Variants in PTPRT observed in about 807,000 individuals in gnomAD.
PTPRT encodes the protein protein tyrosine phosphatase receptor type T.
A neutral mutation model predicts 176.8 loss-of-function variants in PTPRT; 56 were observed. The observed-to-expected ratio is 0.32, with a 90% confidence interval of 0.26 to 0.40. PTPRT has a LOEUF of 0.40. Among genes scored for constraint, PTPRT ranks in the 10% least tolerant of loss-of-function variants. PTPRT has a pLI of 1.00. For synonymous variants in PTPRT, 783 were observed against 739.0 expected, an observed-to-expected ratio of 1.06 and a Z score of -0.96; for missense variants, 1,540 against 1,908.2, an observed-to-expected ratio of 0.81 and a Z score of 3.60.
intron 16 of PTPRT, among the ~76,000 whole-genome samples, chr20:42,197,376 C>CA (rs3086756): frequency 0.034 from 1,121 of 33,246 alleles, 135 homozygotes; most frequent in African/African-American, 0.063. Context: ...GAGACTCCAT[C>CA]AAAAAAAAAA....
intron 15 of PTPRT, among the ~76,000 whole-genome samples, chr20:42,221,052 G>A (rs1421138765): frequency 6.6e-6 from 1 of 152,188 alleles, no homozygotes; most frequent in Non-Finnish European, 1.5e-5. Context: ...CAGGCTATGA[G>A]TACAGTGGTG....
intron 11 of PTPRT, 108 bp downstream of exon 11, chr20:42,350,520 T>C (rs2071854): frequency 0.66 from 627,130 of 956,884 alleles, 208,025 homozygotes; most frequent in East Asian, 0.9. Context: ...GGAAGCTTTG[T>C]TCCTGGCCAG....
chr20:42,432,438 AC>A (rs772569035), intron 9 of PTPRT, among the ~76,000 whole-genome samples: 24 of 152,304 alleles, frequency 1.6e-4, no homozygotes, highest in South Asian at 8.3e-4. Flanking sequence ...AACCAACTGA[AC>A]GGACGCCTTC....
intron 2 of PTPRT, among the ~76,000 whole-genome samples, chr20:42,863,694 A>G (rs1272458785): frequency 6.6e-6 from 1 of 152,180 alleles, no homozygotes; most frequent in Non-Finnish European, 1.5e-5. Flanking sequence ...TGTAAACTCC[A>G]TCCCCTAACC....
chr20:42,215,840 C>A (rs186156509), intron 15 of PTPRT, among the ~76,000 whole-genome samples: 14 of 135,800 alleles, frequency 1.0e-4, no homozygotes, highest in Admixed American at 6.0e-4. Context: ...AAACTCATCA[C>A]CTCTGTGGGC....
intron 28 of PTPRT, 60 bp from the exon 29 acceptor site, chr20:42,084,905 GCAGATACCCC>G: frequency 7.6e-7 from 1 of 1,320,392 alleles, no homozygotes; most frequent in East Asian, 2.7e-5. Context: ...CATGCACCTT[GCAGATACCCC>G]GGGGACTGCA....
chr20:42,560,429 T>C (rs2072933129), intron 7 of PTPRT, among the ~76,000 whole-genome samples: 3 of 152,116 alleles, frequency 2.0e-5, no homozygotes. Flanking sequence ...TCTTGTCTTG[T>C]GTGTTGTTGG....
chr20:42,530,777 C>T (rs2072368674), intron 7 of PTPRT, among the ~76,000 whole-genome samples: 1 of 152,180 alleles, frequency 6.6e-6, no homozygotes, highest in African/African-American at 2.4e-5. Context: ...TCCAGCTTTG[C>T]AGTACTTGTG....
At chr20:42,360,622 T>A (rs1197296311) in intron 9 of PTPRT, among the ~76,000 whole-genome samples, 1 of 152,224 alleles carries the variant, frequency 6.6e-6, no homozygotes, top group Non-Finnish European at 1.5e-5. Flanking sequence ...TTGCAATACT[T>A]CTTGGGTTTC....
intron 11 of PTPRT, among the ~76,000 whole-genome samples, chr20:42,335,491 C>T (rs116990017): frequency 0.014 from 2,126 of 152,112 alleles, 21 homozygotes; most frequent in Middle Eastern, 0.02. Context: ...GAAAAGCTTC[C>T]CCCTTCTCCA....
chr20:42,902,297 C>G (rs1459246151), intron 1 of PTPRT, among the ~76,000 whole-genome samples: 2 of 152,178 alleles, frequency 1.3e-5, no homozygotes, highest in Non-Finnish European at 2.9e-5. Flanking sequence ...CTTCCTGGAA[C>G]AGTGAGTACA....
At chr20:42,728,418 G>C (rs928921514) in intron 6 of PTPRT, among the ~76,000 whole-genome samples, 10 of 152,150 alleles carry the variant, frequency 6.6e-5, no homozygotes, top group African/African-American at 2.2e-4. Context: ...TCTTGCAAGG[G>C]GGGAGAGGTA....
intron 7 of PTPRT, among the ~76,000 whole-genome samples, chr20:42,639,011 T>A (rs1440119813): frequency 1.3e-5 from 2 of 152,174 alleles, no homozygotes; most frequent in Non-Finnish European, 1.5e-5. Context: ...GATAGATTTT[T>A]GTAACTCAAA....
chr20:43,070,104 A>AT (rs34126762), intron 1 of PTPRT, among the ~76,000 whole-genome samples: 16 of 151,560 alleles, frequency 1.1e-4, no homozygotes, highest in East Asian at 7.8e-4. Flanking sequence ...TTTGTGGGTT[A>AT]TTTTTTTTTA....
At chr20:42,462,903 G>A (rs568231402) in intron 8 of PTPRT, among the ~76,000 whole-genome samples, 2 of 152,288 alleles carry the variant, frequency 1.3e-5, no homozygotes, top group South Asian at 4.1e-4. Flanking sequence ...CAGAATGCGA[G>A]TCCTTAAACC....
intron 1 of PTPRT, among the ~76,000 whole-genome samples, chr20:42,948,433 T>C (rs1196585831): frequency 2.0e-5 from 3 of 152,178 alleles, no homozygotes. Context: ...CACCTGCCCC[T>C]GGCCTGAGTG....
intron 1 of PTPRT, among the ~76,000 whole-genome samples, chr20:42,927,378 A>C (rs1036261411): frequency 6.6e-6 from 1 of 152,168 alleles, no homozygotes; most frequent in Admixed American, 6.5e-5. Context: ...CCTGACTAAC[A>C]TGGTGAAACC....
At chr20:42,407,461 C>G (rs1457490729) in intron 9 of PTPRT, among the ~76,000 whole-genome samples, 1 of 152,110 alleles carries the variant, frequency 6.6e-6, no homozygotes, top group Non-Finnish European at 1.5e-5. Flanking sequence ...TTGATAAAAT[C>G]CAGTAGACAT....
At chr20:42,774,452 T>C (rs994141800) in intron 4 of PTPRT, among the ~76,000 whole-genome samples, 3 of 152,124 alleles carry the variant, frequency 2.0e-5, no homozygotes, top group African/African-American at 7.2e-5. Context: ...CATGCATGCT[T>C]TGTATAGGGG....
Sources: gnomAD v4.1 joint callset for allele counts (sites outside exome capture counted in the v4.1 genomes callset) on GRCh38, gnomAD v4.1.1 for gene constraint, MANE v1.5 for transcripts, NCBI Gene and HGNC (gene_info 2026-07-23, HGNC 2026-07-21) for gene names.